The following MEI4 variants were observed in gnomAD, a reference collection of about 807,000 sequenced individuals.
MEI4 encodes the protein meiosis-specific protein MEI4.
Under a neutral mutation model 31.4 loss-of-function variants are expected in MEI4, and 27 were observed. The ratio of observed to expected loss-of-function variants is 0.86; its 90% CI spans 0.63 to 1.19. The LOEUF is 1.19. Ranked by LOEUF, MEI4 falls within the 50% of genes most tolerant of loss-of-function variation. The probability of loss-of-function intolerance (pLI) is 0.00; values close to 1 mark genes in which losing one functional copy is unlikely to be tolerated. For missense variants in MEI4, 329 were observed against 398.9 expected (o/e 0.82, Z 1.49); for synonymous variants, 122 against 145.4 (o/e 0.84, Z 1.16).
At chr6:77,809,609 C>T (rs1769525004) in intron 3 of MEI4, among the ~76,000 whole-genome samples, 1 of 152,060 alleles carries the variant, frequency 6.6e-6, no homozygotes, top group Non-Finnish European at 1.5e-5. Context: ...TAATGGAGCT[C>T]ATAGAGGCCA....
chr6:77,788,067 G>A (rs1768796882), intron 3 of MEI4, among the ~76,000 whole-genome samples: 1 of 152,140 alleles, frequency 6.6e-6, no homozygotes, highest in South Asian at 2.1e-4. Context: ...AATAGTTTCA[G>A]AAGGAATGGT....
Position 77,828,978 on chromosome 6 carries a change from T to C in MEI4, c.816T>C (p.Asn272=), listed in dbSNP as rs2127711288. 1 of 1,232,202 alleles carries C rather than the reference T, an allele frequency of 8.1e-7. No homozygotes were observed. The highest frequency in any genetic ancestry group is 4.1e-5 in the South Asian group (1 of 24,310). 76.3% of individuals were successfully genotyped at this position (1,232,202 alleles called of 1,614,324 possible). A position where few individuals can be genotyped will look rare whatever the true frequency, so the allele number is the denominator to read the frequency against. ...YVSQSLVTLG[N]CSLLRKSIIS... is the part of the protein sequence containing the mutation. ...CTCAGAGTCTGGTTACCTTGGGAAA[T>C]TGCAGCTTGTTGAGAAAATCTATTA... Residue 272 remains asparagine, a synonymous_variant, in exon 4 of 5, where the codon AAT becomes AAC. Coordinates refer to ENST00000684080, the MANE Select transcript of MEI4 (RefSeq NM_001322247.2).
intron 2 of MEI4, among the ~76,000 whole-genome samples, chr6:77,696,031 G>A (rs1766027538): frequency 6.6e-6 from 1 of 152,078 alleles, no homozygotes. Context: ...AAGCAATTGT[G>A]AATGGGAGTT....
In MEI4 at chr6:77,733,681, G is replaced by A. The variant is rs567672369; in HGVS notation, c.233-27449G>A. 8.6e-4 allele frequency among the ~76,000 whole-genome samples: 130 copies of A among 151,834 alleles called. 2 individuals carry two copies. The highest frequency in any genetic ancestry group is 3.0e-3 in the African/African-American group (122 of 41,192). On this transcript the variant is annotated intron_variant, in intron 2 of 4. Transcript: ENST00000684080. ...TTGCCTTCTGCTAGCTTTTGAATAC[G>A]TTTGCTCTTGCTTTTCTAGTTCTTT... is the stretch of plus-strand genomic sequence containing the variant.
chr6:77,903,729 G>A (rs1330403128), intron 4 of MEI4, among the ~76,000 whole-genome samples: 2 of 152,010 alleles, frequency 1.3e-5, no homozygotes, highest in Non-Finnish European at 2.9e-5. Flanking sequence ...TTCATTGAAA[G>A]TTTTTAGCAT....
intron 3 of MEI4, among the ~76,000 whole-genome samples, chr6:77,787,054 C>T (rs777514399): frequency 1.3e-5 from 2 of 152,152 alleles, no homozygotes; most frequent in African/African-American, 4.8e-5. Context: ...TCCAGCCCTT[C>T]TCAGATGTAC....
At chr6:77,774,884 C>A (rs1768399742) in intron 3 of MEI4, among the ~76,000 whole-genome samples, 1 of 152,014 alleles carries the variant, frequency 6.6e-6, no homozygotes, top group South Asian at 2.1e-4. Flanking sequence ...GAAATATATT[C>A]TCTCACAGTT....
chr6:77,917,933 T>A (rs1201115911), intron 4 of MEI4, among the ~76,000 whole-genome samples: 2 of 150,412 alleles, frequency 1.3e-5, no homozygotes, highest in Non-Finnish European at 3.0e-5. Context: ...CCATCTTGAA[T>A]TGATTTTTGT....
At chr6:77,912,825 A>T (rs1382377503) in intron 4 of MEI4, among the ~76,000 whole-genome samples, 2 of 152,054 alleles carry the variant, frequency 1.3e-5, no homozygotes, top group African/African-American at 4.8e-5. Context: ...TCTGGTTAGG[A>T]CTTCTAGTAC....
chr6:77,762,852 A>C (rs1768076155), intron 3 of MEI4, among the ~76,000 whole-genome samples: 1 of 152,208 alleles, frequency 6.6e-6, no homozygotes, highest in African/African-American at 2.4e-5. Context: ...CAGGAATTAA[A>C]TATCAGATTT....
intron 3 of MEI4, among the ~76,000 whole-genome samples, chr6:77,808,039 C>T (rs925488811): frequency 3.9e-5 from 6 of 152,138 alleles, no homozygotes; most frequent in Non-Finnish European, 8.8e-5. Context: ...GCAGCGGACA[C>T]CTTATACATA....
intron 3 of MEI4, among the ~76,000 whole-genome samples, chr6:77,791,930 A>G (rs1274092572): frequency 6.6e-6 from 1 of 152,158 alleles, no homozygotes; most frequent in Non-Finnish European, 1.5e-5. Context: ...CCTTTGACCA[A>G]CACCTCCCAC....
In MEI4 at chr6:77,835,425, A is replaced by T. The variant is rs569496172; in HGVS notation, c.900+6363A>T. 8.6e-5 allele frequency among the ~76,000 whole-genome samples: 13 copies of T among 150,614 alleles called. No homozygotes were observed. The South Asian group carries it at 1.9e-3, about 22-fold the overall frequency. On this transcript the variant is annotated intron_variant, in intron 4 of 4. Coordinates refer to ENST00000684080, the MANE Select transcript of MEI4 (RefSeq NM_001322247.2). ...ACACAAATAAAAAAAAAAAAAGAAGAGAAAAAAGCTCCCAAAAACAGAAAA... is the reference window on the plus strand; with the variant it reads ...ACACAAATAAAAAAAAAAAAAGAAGTGAAAAAAGCTCCCAAAAACAGAAAA...
At position 77,761,182 on chromosome 6, in the gene MEI4, A is replaced by G. The variant is rs368727076; in HGVS notation, c.285A>G (p.Thr95=). 2.9e-4 allele frequency: 354 copies of G among 1,232,196 alleles called. 1 individual carries two copies. The African/African-American group carries it at 4.4e-3, about 15-fold the overall frequency. The allele number at this position is 1,232,196 out of a possible 1,614,324, so 76.3% of individuals were successfully genotyped here. ...EAQEPKSSES[T]LTSMEDSGCD... is the part of the protein sequence containing the mutation. ...AGGAACCTAAGAGTTCTGAAAGTAC[A>G]TTAACTTCGATGGAAGATTCTGGAT... Residue 95 remains threonine, a synonymous_variant, in exon 3 of 5, where the codon ACA becomes ACG. Transcript: ENST00000684080.
At chr6:77,823,076 A>T (rs868348123) in intron 3 of MEI4, among the ~76,000 whole-genome samples, 25 of 152,114 alleles carry the variant, frequency 1.6e-4, no homozygotes, top group African/African-American at 6.0e-4. Flanking sequence ...TATAGCTTCA[A>T]TTTTGTTTTG....
At chr6:77,740,035 T>G (rs1561967690) in intron 2 of MEI4, among the ~76,000 whole-genome samples, 1 of 152,214 alleles carries the variant, frequency 6.6e-6, no homozygotes, top group Non-Finnish European at 1.5e-5. Flanking sequence ...ATTTATTGAT[T>G]TCTACCTTAA....
At chr6:77,842,852 T>C (rs1215647544) in intron 4 of MEI4, among the ~76,000 whole-genome samples, 1 of 151,994 alleles carries the variant, frequency 6.6e-6, no homozygotes, top group Non-Finnish European at 1.5e-5. Context: ...TTGGAAGATA[T>C]AAGCTACCAA....
At chr6:77,915,895 T>C (rs1377463128) in intron 4 of MEI4, among the ~76,000 whole-genome samples, 2 of 151,238 alleles carry the variant, frequency 1.3e-5, no homozygotes. Context: ...CACTGGAAAT[T>C]CAAATATTTG....
intron 4 of MEI4, among the ~76,000 whole-genome samples, chr6:77,868,006 G>A (rs894923790): frequency 4.6e-5 from 7 of 151,508 alleles, no homozygotes; most frequent in African/African-American, 1.7e-4. Flanking sequence ...CTCATAGGTG[G>A]GAATTGAACA....
Sources: allele counts gnomAD v4.1 joint callset (sites outside exome capture counted in the v4.1 genomes callset), GRCh38; gene constraint gnomAD v4.1.1; transcripts MANE v1.5; gene names NCBI Gene and HGNC (gene_info 2026-07-23, HGNC 2026-07-21).